Variants in FCHSD1 observed in about 807,000 individuals in gnomAD.
The protein encoded by FCHSD1 is F-BAR and double SH3 domains protein 1.
A neutral mutation model predicts 101.3 loss-of-function variants in FCHSD1; 109 were observed. The observed-to-expected ratio is 1.08, with a 90% CI of 0.92 to 1.26. The LOEUF (loss-of-function observed/expected upper bound fraction) is 1.26. Ranked by LOEUF, FCHSD1 falls within the 50% of genes most tolerant of loss-of-function variation. FCHSD1 has a pLI of 0.00. For missense variants in FCHSD1, 820 were observed against 895.8 expected, an observed-to-expected ratio of 0.92 and a Z score of 1.08; for synonymous variants, 291 against 356.8, an observed-to-expected ratio of 0.82 and a Z score of 2.08.
At chr5:141,642,815 C>T (rs760003636) in intron 18 of FCHSD1, 186 bp downstream of exon 18, 5 of 582,440 alleles carry the variant, frequency 8.6e-6, no homozygotes, top group African/African-American at 3.9e-5. Context: ...CAGAATCCCA[C>T]CACACACTTG....
Position 141,644,652 on chromosome 5 carries a change from C to T in FCHSD1, c.1563G>A (p.Glu521=). 4 of 1,613,976 alleles carry T rather than the reference C, an allele frequency of 2.5e-6. No homozygotes were observed. Among genetic ancestry groups the T allele is most frequent in the South Asian group, 1.1e-5 (1 of 91,086 alleles). Reference sequence around the variant, plus strand: ...AGAGGTCCGGGAAGTTGAGATATCGCTCAGGGACAAAGCCTACCTCGCCGT... The same window carrying T: ...AGAGGTCCGGGAAGTTGAGATATCGTTCAGGGACAAAGCCTACCTCGCCGT... ...NQHGEVGFVP[E]RYLNFPDLSL... The change falls in exon 16 of 20, where the codon GAG becomes GAA. Residue 521 remains glutamate, a synonymous_variant. Coordinates refer to ENST00000435817, the MANE Select transcript of FCHSD1 (RefSeq NM_033449.3).
In FCHSD1 at chr5:141,651,123, G is replaced by C; in HGVS notation, c.22-6C>G. The C allele has an allele frequency of 1.3e-6, 2 of 1,578,050 alleles. No homozygotes were observed. The highest frequency in any genetic ancestry group is 1.7e-6 in the Non-Finnish European group (2 of 1,161,128). ...ACCTCCTGGGCCGGCTTCACCTGTG[G>C]GGGCAAAGAGAGGATGAAGACCCCA... is the stretch of plus-strand genomic sequence containing the variant. On this transcript the variant is annotated splice_region_variant and splice_polypyrimidine_tract_variant and intron_variant, in intron 1 of 19. Coordinates refer to ENST00000435817, the MANE Select transcript of FCHSD1 (RefSeq NM_033449.3).
At position 141,650,505 on chromosome 5, in the gene FCHSD1, G is replaced by A. The variant is rs530062926; in HGVS notation, c.120-101C>T. 63 of 1,377,384 alleles carry A rather than the reference G, an allele frequency of 4.6e-5. 1 individual carries two copies. In the South Asian group the frequency reaches 6.4e-4, roughly 14 times the overall value. The allele number at this position is 1,377,384 out of a possible 1,614,324, so 85.3% of individuals were successfully genotyped here. A position where few individuals can be genotyped will look rare whatever the true frequency, so the allele number is the denominator to read the frequency against. ...TACTCTGGGCAGGAGGGAGCGGTTG[G>A]GGGGAGCCAGGTTCCTAGAGTGTAA... On this transcript the variant is annotated intron_variant, in intron 2 of 19. Transcript: ENST00000435817.
At position 141,649,453 on chromosome 5, in the gene FCHSD1, C is replaced by G. The variant is rs749738737; in HGVS notation, c.317G>C (p.Arg106Pro). Residue 106 changes from arginine (R) to proline (P), a missense_variant, in exon 5 of 20, where the codon CGA becomes CCA. Coordinates refer to ENST00000435817, the MANE Select transcript of FCHSD1 (RefSeq NM_033449.3). This position sits in a 1 kb window ranked among gnomAD's most constrained non-coding sequence, Gnocchi z 4.1. ...TGTACCCCCTGCTAGGTCACGGTAT[C>G]GGTCAGACGCCTGGAGTCGGGTTTG... is the stretch of plus-strand genomic sequence containing the variant. The part of the protein sequence containing the change: ...GGQTRLQASD[R>P]YRDLAGGTGR... 1 of 1,613,898 alleles carries G rather than the reference C, an allele frequency of 6.2e-7. No homozygotes were observed. Among genetic ancestry groups the G allele is most frequent in the African/African-American group, 1.3e-5 (1 of 74,942 alleles).
intron 12 of FCHSD1, 40 bp from the exon 13 acceptor site, chr5:141,645,972 C>T (rs369546060): frequency 2.1e-4 from 319 of 1,546,306 alleles, no homozygotes; most frequent in East Asian, 5.6e-4. Context: ...ACCTGGCTGA[C>T]GGCAGTGTTT....
rs565679679 is a variant in FCHSD1 at position 141,640,538 on chromosome 5, A to T, written c.*960T>A. On this transcript the variant is annotated 3_prime_UTR_variant, in exon 20 of 20. Transcript: ENST00000435817. ...TTTCGGCTCCCTGAACCCCCCGAGTAAACTGCAGGCTTAGCCTTTGCTATA... is the reference window on the plus strand; with the variant it reads ...TTTCGGCTCCCTGAACCCCCCGAGTTAACTGCAGGCTTAGCCTTTGCTATA... 6.3e-7 allele frequency: 1 copy of T among 1,598,044 alleles called. No homozygotes were observed. Among genetic ancestry groups the T allele is most frequent in the African/African-American group, 1.3e-5 (1 of 74,690 alleles).
chr5:141,649,171 C>T lies in FCHSD1; in HGVS notation c.512+1G>A. On this transcript the variant is annotated splice_donor_variant, in intron 6 of 19. Coordinates refer to ENST00000435817, the MANE Select transcript of FCHSD1 (RefSeq NM_033449.3). LOFTEE classifies it high-confidence loss of function. This position sits in a 1 kb window ranked among gnomAD's most constrained non-coding sequence, Gnocchi z 4.1. ...GGCTTCCTCACTCTCCATGACCCCA[C>T]CTGGCCTGGACATCAGCCGCCTTCT... The T allele has an allele frequency of 1.8e-5, 29 of 1,614,018 alleles. No homozygotes were observed. Among genetic ancestry groups the T allele is most frequent in the Non-Finnish European group, 2.5e-5 (29 of 1,179,890 alleles).
intron 13 of FCHSD1, 41 bp from the exon 14 acceptor site, chr5:141,645,189 C>T: frequency 6.6e-7 from 1 of 1,516,090 alleles, no homozygotes; most frequent in Non-Finnish European, 8.8e-7. Context: ...GGCCCACTCT[C>T]AAGCACTGGT....
chr5:141,643,321 A>T (rs1194991995), intron 17 of FCHSD1, among the ~76,000 whole-genome samples: 2 of 152,114 alleles, frequency 1.3e-5, no homozygotes, highest in Non-Finnish European at 2.9e-5. Context: ...GTACCAATTC[A>T]TTCAATCCTC....
In FCHSD1 at chr5:141,649,282, C is replaced by T; in HGVS notation, c.402G>A (p.Gln134=). 6.2e-7 allele frequency: 1 copy of T among 1,614,034 alleles called. No individual in the cohort carries two copies. Among genetic ancestry groups the T allele is most frequent in the African/African-American group, 1.3e-5 (1 of 75,058 alleles). The change falls in exon 6 of 20, where the codon CAG becomes CAA. Residue 134 remains glutamine (Q), a synonymous_variant. Coordinates refer to ENST00000435817, the MANE Select transcript of FCHSD1 (RefSeq NM_033449.3). This position sits in a 1 kb window ranked among gnomAD's most constrained non-coding sequence, Gnocchi z 4.1. ...CCCGGACAGACTGCAGCACCTCAGC[C>T]TGCGCCCTCTGGAGGTTCTCTGTTC... The part of the protein sequence containing the change: ...RKGTENLQRA[Q]AEVLQSVREL...
chr5:141,642,969 G>T, intron 18 of FCHSD1, 32 bp downstream of exon 18: 1 of 1,544,562 alleles, frequency 6.5e-7, no homozygotes, highest in Non-Finnish European at 8.8e-7. Context: ...CTGTCTGTTA[G>T]CCTCCCAAGG....
In FCHSD1 at chr5:141,641,018, GC is replaced by G. The variant is rs2099906826; in HGVS notation, c.*479del. The stretch of plus-strand genomic sequence containing the variant: ...CACAAGAGGCCCAGGCCCTGGCCTG[GC>G]CTTCGTGCCCTTTATTCATTGTCAA... On this transcript the variant is annotated 3_prime_UTR_variant, in exon 20 of 20. Transcript: ENST00000435817. 2.6e-6 allele frequency: 1 copy of G among 391,424 alleles called. No homozygotes were observed. The highest frequency in any genetic ancestry group is 2.0e-5 in the African/African-American group (1 of 48,798). The allele number at this position is 391,424 out of a possible 1,614,324, so 24.2% of individuals were successfully genotyped here.
In FCHSD1 at chr5:141,640,400, C is replaced by T; in HGVS notation, c.*1098G>A. 11 of 1,614,180 alleles carry T rather than the reference C, an allele frequency of 6.8e-6. No individual in the cohort carries two copies. The highest frequency in any genetic ancestry group is 9.3e-6 in the Non-Finnish European group (11 of 1,180,018). The stretch of plus-strand genomic sequence containing the variant: ...CTGGTCTCTCATTGTTGACCCCTCC[C>T]CTTTCTCTCAGGTGTCTCTACCACA... On this transcript the variant is annotated 3_prime_UTR_variant, in exon 20 of 20. Transcript: ENST00000435817.
At chr5:141,647,630 A>G (rs1477843572) in intron 8 of FCHSD1, 110 bp from the exon 9 acceptor site, 31 of 1,518,710 alleles carry the variant, frequency 2.0e-5, no homozygotes, top group Non-Finnish European at 2.5e-5. Flanking sequence ...GAAGGAGAGA[A>G]GAAGACATTC....
intron 18 of FCHSD1, chr5:141,642,080 G>A: frequency 1.9e-6 from 1 of 515,830 alleles, no homozygotes; most frequent in South Asian, 2.4e-5. Flanking sequence ...TTGGGGTGGT[G>A]GAGATGGTGG....
chr5:141,646,771 T>G, intron 10 of FCHSD1, 49 bp from the exon 11 acceptor site: 1 of 1,588,744 alleles, frequency 6.3e-7, no homozygotes. Context: ...CTGCTCCTTC[T>G]CTCCAGTTCC....
intron 18 of FCHSD1, 80 bp downstream of exon 18, chr5:141,642,921 C>G: frequency 7.1e-7 from 1 of 1,400,698 alleles, no homozygotes; most frequent in Non-Finnish European, 9.8e-7. Flanking sequence ...CGGAGAGGAC[C>G]AGAGCGTGAC....
chr5:141,649,398 C>G lies in FCHSD1; in HGVS notation c.372G>C (p.Arg124Ser). Residue 124 changes from arginine (R) to serine (S), a missense_variant, in exon 5 of 20, where the codon AGG (arginine) becomes AGC (serine). Physicochemically the swap from Arg to Ser is moderately radical, Grantham distance 110. Transcript: ENST00000435817. This position sits in a 1 kb window ranked among gnomAD's most constrained non-coding sequence, Gnocchi z 4.1. ...TGRSAKEQVL[R>S]KGTENLQRAQ... ...CACCCCAACCTCTGAGCCATACCTT[C>G]CTAAGCACCTGCTCCTTGGCGCTCC... 1 of 1,613,968 alleles carries G rather than the reference C, an allele frequency of 6.2e-7. No homozygotes were observed. Among genetic ancestry groups the G allele is most frequent in the African/African-American group, 1.3e-5 (1 of 75,068 alleles).
rs32957 is a variant in FCHSD1 at position 141,641,529 on chromosome 5, G to A, written c.2042C>T (p.Pro681Leu). Residue 681 changes from proline to leucine, a missense_variant, in exon 20 of 20, where the codon CCG becomes CTG. Physicochemically the swap from Pro to Leu is moderately conservative, Grantham distance 98 (BLOSUM62 -3). Transcript: ENST00000435817. ...GAGGGGATCTGGGTGGCCAGGATCC[G>A]GGGCTTTAGCCGGCGGGGGAGGTGG... ...RPPPPPPAKA[P>L]DPGHPDPLT 0.05 allele frequency: 75,105 copies of A among 1,514,178 alleles called. 2,080 individuals are homozygous for A. The highest frequency in any genetic ancestry group is 0.12 in the Middle Eastern group (629 of 5,406). 93.8% of individuals were successfully genotyped at this position (1,514,178 alleles called of 1,614,324 possible). A position where few individuals can be genotyped will look rare whatever the true frequency, so the allele number is the denominator to read the frequency against.
Sources: allele counts gnomAD v4.1 joint callset (sites outside exome capture counted in the v4.1 genomes callset), GRCh38; gene constraint gnomAD v4.1.1; non-coding constraint Gnocchi (gnomAD v3.1); transcripts MANE v1.5; gene names NCBI Gene and HGNC (gene_info 2026-07-23, HGNC 2026-07-21).